RBMX: variants seen among roughly 807,000 people sequenced by gnomAD.
RBMX encodes the protein RNA binding motif protein X-linked.
RBMX carries 1 observed loss-of-function variant against 29.3 expected under a neutral mutation model. The ratio of observed to expected loss-of-function variants is 0.03; its 90% CI spans 0.01 to 0.16. RBMX has a LOEUF of 0.16. RBMX is among the 10% of genes least tolerant of loss of function. RBMX has a pLI of 1.00. For synonymous variants in RBMX, 102 were observed against 102.3 expected (o/e 1.00, Z 0.02); for missense variants, 121 against 333.2 (o/e 0.36, Z 4.96).
Position 136,875,093 on chromosome X carries a change from C to A in RBMX, c.858G>T (p.Glu286Asp), listed in dbSNP as rs758382120. The change falls in exon 8 of 9, where the codon GAG becomes GAT. Residue 286 changes from glutamate to aspartate, a missense_variant. Physicochemically the swap from Glu to Asp is conservative, Grantham distance 45. Transcript: ENST00000320676. ...CCTTAACCAGTATCTTACCATAACT[C>A]TCATATGAATCTCTGTAGGAACCTC... The part of the protein sequence containing the change: ...PSGGSYRDSY[E>D]SYGNSRSAPP... 3 of 1,211,491 alleles carry A rather than the reference C, an allele frequency of 2.5e-6. No homozygotes were observed. The highest frequency in any genetic ancestry group is 3.4e-6 in the Non-Finnish European group (3 of 895,505).
In RBMX at chrX:136,878,066, G is replaced by A. The variant is rs886302117; in HGVS notation, c.237C>T (p.Ile79=). Residue 79 remains isoleucine, a synonymous_variant, in exon 4 of 9, where the codon ATC becomes ATT. Transcript: ENST00000320676. ...MNGKSLDGKA[I]KVEQATKPSF... The stretch of plus-strand genomic sequence containing the variant: ...ATGGTTTGGTGGCTTGTTCCACCTT[G>A]ATGGCTTTTCCATCTAATGACTAAA... 8.4e-7 allele frequency: 1 copy of A among 1,192,709 alleles called. No homozygotes were observed. Among genetic ancestry groups the A allele is most frequent in the Non-Finnish European group, 1.1e-6 (1 of 886,439 alleles).
Position 136,875,604 on chromosome X carries a change from T to G in RBMX, c.542-19A>C. 8.4e-7 allele frequency: 1 copy of G among 1,196,877 alleles called. No homozygotes were observed. Among genetic ancestry groups the G allele is most frequent in the South Asian group, 1.9e-5 (1 of 53,938 alleles). On this transcript the variant is annotated intron_variant, in intron 5 of 8. Coordinates refer to ENST00000320676, the MANE Select transcript of RBMX (RefSeq NM_002139.4). ...ACAGGAGCTTAAGGAAAAATATCAT[T>G]TTTTTAAACATAGCCAGAGAAAAAA...
At chrX:136,878,964 T>C in intron 3 of RBMX, 53 bp downstream of exon 3, 1 of 1,194,624 alleles carries the variant, frequency 8.4e-7, no homozygotes, top group East Asian at 3.0e-5. Flanking sequence ...GACAACTACA[T>C]GTTATTTTAT....
intron 5 of RBMX, among the ~76,000 whole-genome samples, chrX:136,876,259 G>A (rs1226394806): frequency 9.3e-6 from 1 of 107,439 alleles, no homozygotes; most frequent in East Asian, 2.9e-4. Context: ...AAGTAGCGGG[G>A]ATTACAGGAA....
At chrX:136,869,822 CAATA>C (rs1266706900), downstream of RBMX, 1 of 111,744 alleles carries the variant, frequency 8.9e-6, no homozygotes, top group African/African-American at 3.3e-5. Flanking sequence ...GTCTCCAAAC[CAATA>C]AAAAACTAAA....
At chrX:136,872,481 TTTGTC>T (rs1355626094), downstream of RBMX, 2 of 554,187 alleles carry the variant, frequency 3.6e-6, no homozygotes, top group Admixed American at 6.4e-5. Context: ...TGTTCTACTA[TTTGTC>T]TTAAGTGGTG....
At chrX:136,880,304 T>C (rs2148714757) in intron 1 of RBMX, among the ~76,000 whole-genome samples, 1 of 112,162 alleles carries the variant, frequency 8.9e-6, no homozygotes, top group African/African-American at 3.2e-5. Context: ...GCCAGCGCCA[T>C]ACCAATGCAG....
intron 4 of RBMX, among the ~76,000 whole-genome samples, chrX:136,877,452 CT>C (rs551259279): frequency 0.2 from 17,268 of 85,590 alleles, 1,640 homozygotes; most frequent in Admixed American, 0.4. Flanking sequence ...TCTTAAAAAA[CT>C]TTTTTTTTTT....
chrX:136,874,702 T>C, intron 8 of RBMX: 1 of 426,610 alleles, frequency 2.3e-6, no homozygotes, highest in Non-Finnish European at 3.8e-6. Flanking sequence ...CCAGAGAGCT[T>C]GTTATTTTAT....
intron 4 of RBMX, 66 bp downstream of exon 4, chrX:136,877,849 T>C: frequency 1.2e-5 from 12 of 1,037,734 alleles, no homozygotes; most frequent in South Asian, 2.9e-5. Flanking sequence ...AACCAAAGCA[T>C]CCACTTGGTG....
At chrX:136,875,652 A>G (rs1386498006) in intron 5 of RBMX, 67 bp from the exon 6 acceptor site, 3 of 1,147,264 alleles carry the variant, frequency 2.6e-6, no homozygotes, top group Non-Finnish European at 3.5e-6. Context: ...ACTTACATTC[A>G]GGCTATGAAA....
intron 3 of RBMX, 108 bp from the exon 4 acceptor site, chrX:136,878,194 G>A (rs1420430843): frequency 3.5e-5 from 24 of 688,916 alleles, no homozygotes; most frequent in Non-Finnish European, 4.5e-5. Context: ...ATGGGTAAGT[G>A]TTGCTCATTA....
downstream of RBMX, chrX:136,872,389 A>T (rs1295932127): frequency 1.9e-5 from 21 of 1,102,916 alleles, no homozygotes; most frequent in Non-Finnish European, 2.5e-5. Flanking sequence ...TCTCTTAAGG[A>T]AATTCTTTTA....
At chrX:136,874,773 C>T (rs2077710812) in intron 8 of RBMX, 2 of 376,981 alleles carry the variant, frequency 5.3e-6, no homozygotes, top group South Asian at 1.4e-4. Flanking sequence ...AACTTGCCTT[C>T]ATATTGCAAT....
intron 8 of RBMX, chrX:136,874,796 A>T (rs2077711020): frequency 2.6e-6 from 1 of 389,402 alleles, no homozygotes; most frequent in Non-Finnish European, 4.0e-6. Context: ...TAAATATTTG[A>T]TCTTGTTAAT....
downstream of RBMX, chrX:136,869,898 A>G: frequency 8.9e-6 from 1 of 112,164 alleles, no homozygotes; most frequent in Middle Eastern, 4.6e-3. Context: ...AAGAAAGCCA[A>G]GTGGCCTAAT....
At chrX:136,879,585 G>C in intron 1 of RBMX, 132 bp from the exon 2 acceptor site, 1 of 565,746 alleles carries the variant, frequency 1.8e-6, no homozygotes, top group South Asian at 3.3e-5. Context: ...ACGATAACGA[G>C]CTAAGCCTCA....
intron 5 of RBMX, 69 bp downstream of exon 5, chrX:136,876,434 A>T: frequency 9.4e-7 from 1 of 1,068,922 alleles, no homozygotes; most frequent in Non-Finnish European, 1.2e-6. Context: ...TTAAAATTTT[A>T]AGCATCATTC....
chrX:136,879,233 A>G (rs774005414), intron 2 of RBMX, 86 bp downstream of exon 2: 10 of 1,192,251 alleles, frequency 8.4e-6, no homozygotes, highest in Non-Finnish European at 1.1e-5. Context: ...AAAATACATT[A>G]TCATGTCAGA....
Sources: allele counts gnomAD v4.1 joint callset (sites outside exome capture counted in the v4.1 genomes callset), GRCh38; gene constraint gnomAD v4.1.1; transcripts MANE v1.5; gene names NCBI Gene and HGNC (gene_info 2026-07-23, HGNC 2026-07-21).